Variants in PLAGL1 observed in about 807,000 individuals in gnomAD.
PLAGL1 encodes the protein PLAG1 like zinc finger 1.
Under a neutral mutation model 4.6 loss-of-function variants are expected in PLAGL1, and 1 was observed. The observed-to-expected ratio is 0.22, with a 90% CI of 0.08 to 1.03. The LOEUF is 1.03. Ranked by LOEUF, PLAGL1 falls within the 50% of genes least tolerant of loss-of-function variation. The pLI, the probability that PLAGL1 is intolerant of heterozygous loss-of-function variation, is 0.58. For missense variants in PLAGL1, 464 were observed against 570.4 expected, an observed-to-expected ratio of 0.81 and a Z score of 1.90; for synonymous variants, 240 against 237.8, an observed-to-expected ratio of 1.01 and a Z score of -0.08.
In PLAGL1 at chr6:143,942,640, T is replaced by C. The variant is rs1222654655; in HGVS notation, c.176A>G (p.Gln59Arg). The C allele has an allele frequency of 6.2e-7, 1 of 1,613,638 alleles. No individual in the cohort carries two copies. Among genetic ancestry groups the C allele is most frequent in the African/African-American group, 1.3e-5 (1 of 74,904 alleles). Residue 59 changes from glutamine to arginine, a missense_variant, in exon 8 of 8, where the codon CAG becomes CGG. Around this residue, in one of 4 missense-constraint regions of PLAGL1, gnomAD observed 161 missense variants for 196.7 expected, o/e 0.82. Transcript: ENST00000674357. This position sits in a 1 kb window ranked among gnomAD's most constrained non-coding sequence, Gnocchi z 7.6. ...ACAGTGAGCACACTGGTGAGATTTC[T>C]GGGGAGAATGGGTAGCCATATGCCT... ...LMRHMATHSP[Q>R]KSHQCAHCEK...
intron 6 of PLAGL1, among the ~76,000 whole-genome samples, chr6:143,956,472 CT>C (rs1782166001): frequency 6.6e-6 from 1 of 152,156 alleles, no homozygotes; most frequent in African/African-American, 2.4e-5. Flanking sequence ...AGAATTAAGT[CT>C]GAGTTCAAAA....
rs1407615480 is a variant in PLAGL1 at position 144,008,006 on chromosome 6, C to G, written c.-584+84G>C. 2 of 151,868 alleles carry G rather than the reference C, an allele frequency of 1.3e-5. No individual in the cohort carries two copies. Among genetic ancestry groups the G allele is most frequent in the African/African-American group, 4.8e-5 (2 of 41,386 alleles). The allele number at this position is 151,868 out of a possible 1,614,324, so 9.4% of individuals were successfully genotyped here. ...CACACCCTCCTCGCGGCCGCGAACC[C>G]AGCGCCGTCCTCGCAGCGCGGCAAT... On this transcript the variant is annotated intron_variant, in intron 1 of 7. Transcript: ENST00000674357. This position sits in a 1 kb window ranked among gnomAD's most constrained non-coding sequence, Gnocchi z 6.9.
At chr6:143,974,913 A>AATTTG (rs1786180094) in intron 2 of PLAGL1, among the ~76,000 whole-genome samples, 1 of 152,252 alleles carries the variant, frequency 6.6e-6, no homozygotes, top group African/African-American at 2.4e-5. Flanking sequence ...ACTGAAAGAA[A>AATTTG]GTCTTTGGCA....
Position 143,995,744 on chromosome 6 carries a change from A to T in PLAGL1, c.-583-10570T>A, listed in dbSNP as rs757583278. Among the ~76,000 whole-genome samples, 25 of 152,142 alleles carry T rather than the reference A, an allele frequency of 1.6e-4. No homozygotes were observed. Among genetic ancestry groups the T allele is most frequent in the Admixed American group, 2.6e-4 (4 of 15,276 alleles). ...TAAAGGAAGAAAGATCACCCTTTCT[A>T]CATGTTTCATAATATATTTTCCAGG... On this transcript the variant is annotated intron_variant, in intron 1 of 7. Coordinates refer to ENST00000674357, the MANE Select transcript of PLAGL1 (RefSeq NM_001317162.2). The surrounding 1 kb of genome is among the most constrained non-coding windows in gnomAD (Gnocchi z 4.4).
chr6:144,009,771 T>C (rs1490844235), upstream of PLAGL1, among the ~76,000 whole-genome samples: 1 of 152,064 alleles, frequency 6.6e-6, no homozygotes, highest in Non-Finnish European at 1.5e-5. Flanking sequence ...ATGCGGTGTT[T>C]AGTTTTCTGT....
chr6:143,975,591 T>C lies in PLAGL1; in HGVS notation c.-543-6613A>G, dbSNP rs1232043586. On this transcript the variant is annotated intron_variant, in intron 2 of 7. Coordinates refer to ENST00000674357, the MANE Select transcript of PLAGL1 (RefSeq NM_001317162.2). This position sits in a 1 kb window ranked among gnomAD's most constrained non-coding sequence, Gnocchi z 5.8. ...AAAATTTCTTTTAAAGAAAAAGACA[T>C]AAAATTTAACATTCAGTCTCTAGAT... is the stretch of plus-strand genomic sequence containing the variant. 6.6e-6 allele frequency among the ~76,000 whole-genome samples: 1 copy of C among 152,138 alleles called. No individual in the cohort carries two copies. Among genetic ancestry groups the C allele is most frequent in the Non-Finnish European group, 1.5e-5 (1 of 67,986 alleles).
intron 2 of PLAGL1, among the ~76,000 whole-genome samples, chr6:143,969,774 G>C (rs1480710356): frequency 1.3e-5 from 2 of 151,402 alleles, no homozygotes; most frequent in African/African-American, 4.9e-5. Flanking sequence ...GGCAAAATAT[G>C]GGGGAAAAAA....
chr6:143,975,991 C>T lies in PLAGL1; in HGVS notation c.-543-7013G>A, dbSNP rs1300527717. 6.6e-6 allele frequency among the ~76,000 whole-genome samples: 1 copy of T among 152,192 alleles called. No individual in the cohort carries two copies. The highest frequency in any genetic ancestry group is 2.4e-5 in the African/African-American group (1 of 41,458). ...ACATATCTTACTTCGTTGACCCTCACATTACTAAGAGAAAACAGATTAATT... is the reference window on the plus strand; with the variant it reads ...ACATATCTTACTTCGTTGACCCTCATATTACTAAGAGAAAACAGATTAATT... On this transcript the variant is annotated intron_variant, in intron 2 of 7. Coordinates refer to ENST00000674357, the MANE Select transcript of PLAGL1 (RefSeq NM_001317162.2). This position sits in a 1 kb window ranked among gnomAD's most constrained non-coding sequence, Gnocchi z 5.8.
intron 2 of PLAGL1, among the ~76,000 whole-genome samples, chr6:143,980,767 C>T (rs2128605675): frequency 6.6e-6 from 1 of 152,264 alleles, no homozygotes; most frequent in African/African-American, 2.4e-5. Context: ...CTGAATGCTA[C>T]ATATTGCATA....
At chr6:144,017,761 A>C (rs1333716604) in intron 1 of PLAGL1, among the ~76,000 whole-genome samples, 2 of 152,226 alleles carry the variant, frequency 1.3e-5, no homozygotes, top group Admixed American at 6.5e-5. Context: ...CGTAGACTTC[A>C]ACAACCAGGA....
intron 1 of PLAGL1, among the ~76,000 whole-genome samples, chr6:143,991,410 G>A (rs1404322343): frequency 3.3e-5 from 5 of 152,122 alleles, no homozygotes; most frequent in South Asian, 2.1e-4. Flanking sequence ...CTGGGGGGCC[G>A]TGATACTGAA....
chr6:143,947,164 A>T lies in PLAGL1; in HGVS notation c.152+821T>A, dbSNP rs1369086169. On this transcript the variant is annotated intron_variant, in intron 7 of 7. Coordinates refer to ENST00000674357, the MANE Select transcript of PLAGL1 (RefSeq NM_001317162.2). The surrounding 1 kb of genome is among the most constrained non-coding windows in gnomAD (Gnocchi z 4.3). ...TGCCTTTAAAACTGATCAAATGCAC[A>T]TGCTGCTCATCTGCATACCCACCTG... 2.0e-5 allele frequency among the ~76,000 whole-genome samples: 3 copies of T among 152,212 alleles called. No individual in the cohort carries two copies. Among genetic ancestry groups the T allele is most frequent in the Non-Finnish European group, 4.4e-5 (3 of 68,034 alleles).
intron 7 of PLAGL1, among the ~76,000 whole-genome samples, chr6:143,944,399 G>A (rs1359442232): frequency 1.3e-5 from 2 of 151,956 alleles, no homozygotes; most frequent in Admixed American, 1.3e-4. Flanking sequence ...GAATCGAACT[G>A]TCATTTTCTT....
chr6:144,060,330 T>G (rs1799296342), intron 1 of PLAGL1, among the ~76,000 whole-genome samples: 1 of 152,250 alleles, frequency 6.6e-6, no homozygotes, highest in African/African-American at 2.4e-5. Flanking sequence ...ATTACAGGCA[T>G]GAGCCACTGG....
rs929581155 is a variant in PLAGL1 at position 143,979,821 on chromosome 6, G to A, written c.-544+5314C>T. Reference sequence around the variant, plus strand: ...TTTATTAAATCAACTGACAATAAATGTGAGAGTTTAAAAAAAAAGATTTCC... The same window carrying A: ...TTTATTAAATCAACTGACAATAAATATGAGAGTTTAAAAAAAAAGATTTCC... On this transcript the variant is annotated intron_variant, in intron 2 of 7. Coordinates refer to ENST00000674357, the MANE Select transcript of PLAGL1 (RefSeq NM_001317162.2). The surrounding 1 kb of genome is among the most constrained non-coding windows in gnomAD (Gnocchi z 4.6). 4.0e-5 allele frequency among the ~76,000 whole-genome samples: 6 copies of A among 151,880 alleles called. No individual in the cohort carries two copies. Among genetic ancestry groups the A allele is most frequent in the African/African-American group, 1.4e-4 (6 of 41,386 alleles).
intron 1 of PLAGL1, among the ~76,000 whole-genome samples, chr6:144,041,187 C>A (rs4629703): frequency 0.022 from 3,327 of 151,912 alleles, 122 homozygotes; most frequent in African/African-American, 0.073. Flanking sequence ...TTCCAACTTT[C>A]TATATATATA....
At chr6:144,049,811 A>G (rs975092041) in intron 1 of PLAGL1, among the ~76,000 whole-genome samples, 2 of 152,198 alleles carry the variant, frequency 1.3e-5, no homozygotes, top group African/African-American at 4.8e-5. Flanking sequence ...ACTGAGACAC[A>G]TGGAGGTTTG....
intron 7 of PLAGL1, among the ~76,000 whole-genome samples, chr6:143,943,197 G>A (rs2128506604): frequency 6.6e-6 from 1 of 151,798 alleles, no homozygotes; most frequent in Non-Finnish European, 1.5e-5. Context: ...TTTTTTTAAT[G>A]TATACAGATT....
intron 1 of PLAGL1, among the ~76,000 whole-genome samples, chr6:144,060,491 T>G (rs943043639): frequency 6.6e-6 from 1 of 152,224 alleles, no homozygotes; most frequent in Non-Finnish European, 1.5e-5. Flanking sequence ...TGTTATACAT[T>G]TTTTGATTAC....
Sources: gnomAD v4.1 joint callset for allele counts (sites outside exome capture counted in the v4.1 genomes callset) on GRCh38, gnomAD v4.1.1 for gene constraint, gnomAD v4.1.1 regional missense constraint, Gnocchi (gnomAD v3.1) non-coding constraint, MANE v1.5 for transcripts, NCBI Gene and HGNC (gene_info 2026-07-23, HGNC 2026-07-21) for gene names.